The following FOXP2 variants were observed in gnomAD, a reference collection of about 807,000 sequenced individuals.
FOXP2 encodes forkhead box P2, also known as forkhead box protein P2.
Under a neutral mutation model 115.8 loss-of-function variants are expected in FOXP2, and 12 were observed. The observed-to-expected ratio is 0.10, with a 90% CI of 0.07 to 0.17. The LOEUF (loss-of-function observed/expected upper bound fraction) is 0.17, where lower values mean the gene tolerates loss of function less well. Among genes scored for constraint, FOXP2 ranks in the 10% least tolerant of loss-of-function variants. FOXP2 has a pLI of 1.00. For synonymous variants in FOXP2, 328 were observed against 297.7 expected (o/e 1.10, Z -1.05); for missense variants, 629 against 843.5 (o/e 0.75, Z 3.15).
At chr7:114,411,761 A>G (rs1793168401), upstream of FOXP2, among the ~76,000 whole-genome samples, 1 of 152,146 alleles carries the variant, frequency 6.6e-6, no homozygotes, top group Admixed American at 6.6e-5. Context: ...CCTCTGCACT[A>G]GAGAGAAGAA....
chr7:114,124,885 T>C (rs1562971822), intron 1 of FOXP2, among the ~76,000 whole-genome samples: 1 of 152,096 alleles, frequency 6.6e-6, no homozygotes, highest in Non-Finnish European at 1.5e-5. Flanking sequence ...TTGCTACAAT[T>C]CATGATTACT....
intron 1 of FOXP2, among the ~76,000 whole-genome samples, chr7:114,163,321 T>C (rs1792889748): frequency 1.3e-5 from 2 of 152,140 alleles, no homozygotes; most frequent in Non-Finnish European, 2.9e-5. Context: ...TAATTGTATT[T>C]TCTGATAGAG....
Position 114,110,658 on chromosome 7 carries a change from G to T in FOXP2, c.-247+22820G>T, listed in dbSNP as rs149584488. Reference sequence around the variant, plus strand: ...AACTTTAAGATTTTGGACACTTTTGGACATTTCTTATGATTATACATTCAG... The same window carrying T: ...AACTTTAAGATTTTGGACACTTTTGTACATTTCTTATGATTATACATTCAG... On this transcript the variant is annotated intron_variant, in intron 1 of 19. Coordinates refer to the FOXP2 transcript ENST00000635638. 9.1e-3 allele frequency among the ~76,000 whole-genome samples: 1,384 copies of T among 152,176 alleles called. 10 individuals are homozygous for T. Among genetic ancestry groups the T allele is most frequent in the Middle Eastern group, 0.027 (8 of 294 alleles).
At chr7:114,674,229 A>G (rs555686303) in intron 16 of FOXP2, among the ~76,000 whole-genome samples, 29 of 152,310 alleles carry the variant, frequency 1.9e-4, no homozygotes, top group Middle Eastern at 3.4e-3. Context: ...CTGGCTTATG[A>G]TGAAAATTAA....
chr7:114,491,474 G>C (rs1347353689), intron 2 of FOXP2, among the ~76,000 whole-genome samples: 2 of 151,580 alleles, frequency 1.3e-5, no homozygotes, highest in Non-Finnish European at 3.0e-5. Flanking sequence ...CACTCTGATG[G>C]TAGTTTCTTT....
At chr7:114,294,832 C>T (rs946591756) in intron 2 of FOXP2, among the ~76,000 whole-genome samples, 3 of 151,076 alleles carry the variant, frequency 2.0e-5, no homozygotes, top group African/African-American at 7.3e-5. Context: ...CAGAAGGAGA[C>T]ACTGCCTCAA....
chr7:114,459,687 C>A (rs1430424803), intron 2 of FOXP2, among the ~76,000 whole-genome samples: 1 of 150,106 alleles, frequency 6.7e-6, no homozygotes, highest in East Asian at 2.0e-4. Flanking sequence ...GTGATCTCGG[C>A]TCACAGCAAC....
intron 13 of FOXP2, among the ~76,000 whole-genome samples, chr7:114,661,421 C>T (rs780333889): frequency 1.3e-5 from 2 of 151,876 alleles, no homozygotes; most frequent in Admixed American, 6.6e-5. Flanking sequence ...AATGTACTCT[C>T]GGGTTCCAGC....
chr7:114,209,757 A>C (rs1794295236), intron 1 of FOXP2, among the ~76,000 whole-genome samples: 1 of 152,034 alleles, frequency 6.6e-6, no homozygotes, highest in Non-Finnish European at 1.5e-5. Context: ...ACTTTGTTTC[A>C]TTCTCCCTGT....
At chr7:114,601,019 A>G (rs1290955844) in intron 3 of FOXP2, among the ~76,000 whole-genome samples, 1 of 150,484 alleles carries the variant, frequency 6.6e-6, no homozygotes, top group East Asian at 2.0e-4. Flanking sequence ...GCTGGAGTGC[A>G]GTGGCATGAT....
intron 2 of FOXP2, among the ~76,000 whole-genome samples, chr7:114,386,750 G>A (rs1032546275): frequency 2.0e-5 from 3 of 152,100 alleles, no homozygotes; most frequent in Non-Finnish European, 4.4e-5. Flanking sequence ...AACTATTTGG[G>A]GATCAGGGAT....
intron 2 of FOXP2, among the ~76,000 whole-genome samples, chr7:114,368,352 C>A (rs769815927): frequency 6.6e-6 from 1 of 152,034 alleles, no homozygotes; most frequent in Non-Finnish European, 1.5e-5. Context: ...CCAAACAGAA[C>A]AAATGTCACC....
chr7:114,640,872 T>TG (rs1206247742), intron 6 of FOXP2, among the ~76,000 whole-genome samples: 1 of 152,134 alleles, frequency 6.6e-6, no homozygotes, highest in African/African-American at 2.4e-5. Context: ...TTGGGTGATT[T>TG]GGGGGAACAT....
chr7:114,428,697 T>C (rs1562920911), intron 2 of FOXP2, among the ~76,000 whole-genome samples: 1 of 151,666 alleles, frequency 6.6e-6, no homozygotes, highest in East Asian at 1.9e-4. Context: ...GAATTTTTTG[T>C]TCTTTCATGA....
At chr7:114,629,593 AT>A in intron 4 of FOXP2, 4 of 1,548,072 alleles carry the variant, frequency 2.6e-6, no homozygotes, top group South Asian at 2.3e-5. Flanking sequence ...TTTGTTTAGG[AT>A]TTTTTGGATT....
Position 114,534,713 on chromosome 7 carries a change from A to T in FOXP2, c.258+7A>T. On this transcript the variant is annotated splice_region_variant and intron_variant, in intron 3 of 16. Coordinates refer to ENST00000350908, the MANE Select transcript of FOXP2 (RefSeq NM_014491.4). ...TAAACAGAGACCACTGCAGGTTAGTAAAGCACTCCTGTCCTTGGGGTCTTA... is the reference window on the plus strand; with the variant it reads ...TAAACAGAGACCACTGCAGGTTAGTTAAGCACTCCTGTCCTTGGGGTCTTA... 6.2e-7 allele frequency: 1 copy of T among 1,606,572 alleles called. No individual in the cohort carries two copies. The highest frequency in any genetic ancestry group is 8.5e-7 in the Non-Finnish European group (1 of 1,173,672).
At chr7:114,526,275 G>T (rs1396005350) in intron 2 of FOXP2, among the ~76,000 whole-genome samples, 1 of 146,740 alleles carries the variant, frequency 6.8e-6, no homozygotes, top group African/African-American at 2.5e-5. Flanking sequence ...TCAGGAATTC[G>T]AGATCAGCCT....
intron 2 of FOXP2, chr7:114,297,213 A>G (rs1584617009): frequency 4.1e-6 from 2 of 482,276 alleles, no homozygotes; most frequent in Non-Finnish European, 8.1e-6. Context: ...TTTCTCGATG[A>G]AACTTGAGGG....
rs17136986 is a variant in FOXP2, at chr7:114,375,032, A to T, written c.-10-51470A>T. The stretch of plus-strand genomic sequence containing the variant: ...TGCAGGGTGTTTATAAGGTGGAAAC[A>T]CAGAAAAGTTATATTTTATGCTTTA... On this transcript the variant is annotated intron_variant, in intron 2 of 17. Coordinates refer to the FOXP2 transcript ENST00000634411. 7.6e-3 allele frequency among the ~76,000 whole-genome samples: 1,162 copies of T among 152,248 alleles called. 12 individuals are homozygous for T. Among genetic ancestry groups the T allele is most frequent in the African/African-American group, 0.026 (1,074 of 41,530 alleles).
Sources: gnomAD v4.1 joint callset for allele counts (sites outside exome capture counted in the v4.1 genomes callset) on GRCh38, gnomAD v4.1.1 for gene constraint, MANE v1.5 for transcripts, NCBI Gene and HGNC (gene_info 2026-07-23, HGNC 2026-07-21) for gene names.